Variants in RGS17 observed in about 807,000 individuals in gnomAD.
RGS17 encodes the protein regulator of G protein signaling 17, also known as regulator of G-protein signaling 17.
Under a neutral mutation model 25.5 loss-of-function variants are expected in RGS17, and 12 were observed. That is an observed-to-expected ratio of 0.47 (90% CI 0.30 to 0.76). The LOEUF (loss-of-function observed/expected upper bound fraction) is 0.76, where lower values mean the gene tolerates loss of function less well. RGS17 is among the 30% of genes least tolerant of loss of function. The probability of loss-of-function intolerance (pLI) is 0.07; values close to 1 mark genes in which losing one functional copy is unlikely to be tolerated. For synonymous variants in RGS17, 71 were observed against 76.9 expected (o/e 0.92, Z 0.40); for missense variants, 196 against 242.2 (o/e 0.81, Z 1.27).
intron 1 of RGS17, among the ~76,000 whole-genome samples, chr6:153,126,443 A>AGCCACAGTGATCTTTTT (rs71017583): frequency 0.32 from 48,791 of 151,814 alleles, 8,262 homozygotes; most frequent in East Asian, 0.61. Flanking sequence ...TTTCTGGTTT[A>AGCCACAGTGATCTTTTT]GCCACAGTGA....
chr6:153,022,561 C>G (rs951696481), intron 4 of RGS17, among the ~76,000 whole-genome samples: 2 of 152,156 alleles, frequency 1.3e-5, no homozygotes, highest in Non-Finnish European at 1.5e-5. Context: ...ACAACTATCA[C>G]TTTAAGATGT....
At chr6:153,119,249 T>A (rs1053704985) in intron 1 of RGS17, among the ~76,000 whole-genome samples, 6 of 152,216 alleles carry the variant, frequency 3.9e-5, no homozygotes, top group Non-Finnish European at 4.4e-5. Flanking sequence ...AGAGTTAGAA[T>A]GAGGCCTTGT....
At chr6:153,098,502 C>T (rs1325678699) in intron 1 of RGS17, among the ~76,000 whole-genome samples, 2 of 151,976 alleles carry the variant, frequency 1.3e-5, no homozygotes, top group African/African-American at 4.8e-5. Context: ...TGCTTGTCTC[C>T]TTCTTATATC....
chr6:153,114,225 C>A (rs1299876950), intron 1 of RGS17, among the ~76,000 whole-genome samples: 1 of 152,010 alleles, frequency 6.6e-6, no homozygotes, highest in Non-Finnish European at 1.5e-5. Context: ...ATCAAATAGA[C>A]ACAATACAAA....
Position 153,048,436 on chromosome 6 carries a change from A to ATCC in RGS17, c.-25-4394_-25-4393insGGA, listed in dbSNP as rs1166181793. Among the ~76,000 whole-genome samples the ATCC allele has an allele frequency of 2.0e-5, 3 of 152,326 alleles. No homozygotes were observed. In the East Asian group the frequency reaches 5.8e-4, roughly 29 times the overall value. ...TTATTCTATTCTCAAGACAGCAGCCAGGATGAGCCTTTCAAACCTAAGTCA... is the reference window on the plus strand; with the variant it reads ...TTATTCTATTCTCAAGACAGCAGCCATCCGGATGAGCCTTTCAAACCTAAGTCA... On this transcript the variant is annotated intron_variant, in intron 1 of 4. Coordinates refer to ENST00000206262, the MANE Select transcript of RGS17 (RefSeq NM_012419.5).
chr6:153,062,827 G>A (rs997781988), intron 1 of RGS17, among the ~76,000 whole-genome samples: 2 of 152,030 alleles, frequency 1.3e-5, no homozygotes, highest in South Asian at 2.1e-4. Flanking sequence ...GGCACTAATC[G>A]GAGTCATGAG....
intron 1 of RGS17, among the ~76,000 whole-genome samples, chr6:153,058,347 A>C (rs1453472840): frequency 6.6e-6 from 1 of 152,124 alleles, no homozygotes; most frequent in Non-Finnish European, 1.5e-5. Flanking sequence ...ATTGGCTGGG[A>C]TCTTCCTATC....
intron 4 of RGS17, chr6:153,023,477 C>G: frequency 2.8e-6 from 1 of 355,476 alleles, no homozygotes; most frequent in Non-Finnish European, 5.8e-6. Flanking sequence ...ACCACTCTTT[C>G]ACCAAATGCT....
chr6:153,040,610 T>C (rs1776309238), intron 2 of RGS17, among the ~76,000 whole-genome samples: 1 of 152,120 alleles, frequency 6.6e-6, no homozygotes, highest in Non-Finnish European at 1.5e-5. Flanking sequence ...TTTTTTTTTT[T>C]ACTCCCTAAA....
intron 1 of RGS17, among the ~76,000 whole-genome samples, chr6:153,050,830 T>C (rs993340064): frequency 1.3e-5 from 2 of 152,198 alleles, no homozygotes; most frequent in African/African-American, 4.8e-5. Context: ...CTCAAATTCA[T>C]ATGTTGAAAT....
At chr6:153,120,005 C>T (rs1777603177) in intron 1 of RGS17, among the ~76,000 whole-genome samples, 1 of 152,224 alleles carries the variant, frequency 6.6e-6, no homozygotes, top group East Asian at 1.9e-4. Context: ...CCAACCATGT[C>T]TCACACAAAT....
intron 1 of RGS17, among the ~76,000 whole-genome samples, chr6:153,079,796 T>TG (rs1776945147): frequency 6.6e-6 from 1 of 152,132 alleles, no homozygotes; most frequent in African/African-American, 2.4e-5. Context: ...AGGGCAGTGA[T>TG]GGTCTCATTA....
intron 1 of RGS17, among the ~76,000 whole-genome samples, chr6:153,107,850 C>G (rs1409310386): frequency 1.3e-5 from 2 of 152,136 alleles, no homozygotes; most frequent in Non-Finnish European, 1.5e-5. Context: ...TTCATTTTCC[C>G]TTAGCAGCAA....
At chr6:153,077,304 GGGAGATTGTTCTA>G (rs1776897841) in intron 1 of RGS17, among the ~76,000 whole-genome samples, 1 of 151,976 alleles carries the variant, frequency 6.6e-6, no homozygotes, top group Admixed American at 6.6e-5. Flanking sequence ...GAAAAATACA[GGGAGATTGTTCTA>G]GGTGAGTTTG....
At chr6:153,090,033 T>C (rs1777104324) in intron 1 of RGS17, among the ~76,000 whole-genome samples, 1 of 152,192 alleles carries the variant, frequency 6.6e-6, no homozygotes, top group South Asian at 2.1e-4. Context: ...AACTGAAGGA[T>C]TGAACAGTGT....
intron 1 of RGS17, among the ~76,000 whole-genome samples, chr6:153,097,857 G>A (rs1276694247): frequency 6.6e-6 from 1 of 152,082 alleles, no homozygotes; most frequent in Non-Finnish European, 1.5e-5. Context: ...AGTGGTACAG[G>A]GTGATCTAAT....
chr6:153,020,115 TA>T (rs1350332703), intron 4 of RGS17, among the ~76,000 whole-genome samples: 33 of 56,368 alleles, frequency 5.9e-4, no homozygotes, highest in Non-Finnish European at 9.6e-4. Context: ...AAAAAAAATA[TA>T]TATATATATA....
intron 2 of RGS17, among the ~76,000 whole-genome samples, chr6:153,035,619 C>A (rs1776230921): frequency 6.6e-6 from 1 of 152,096 alleles, no homozygotes; most frequent in Non-Finnish European, 1.5e-5. Context: ...CTCATTTTTG[C>A]ATTATTGATT....
chr6:153,074,817 G>T (rs1776854330), intron 1 of RGS17, among the ~76,000 whole-genome samples: 1 of 152,138 alleles, frequency 6.6e-6, no homozygotes, highest in African/African-American at 2.4e-5. Flanking sequence ...ATTATTTACT[G>T]ACTGACTGGT....
Sources: allele counts gnomAD v4.1 joint callset (sites outside exome capture counted in the v4.1 genomes callset), GRCh38; gene constraint gnomAD v4.1.1; transcripts MANE v1.5; gene names NCBI Gene and HGNC (gene_info 2026-07-23, HGNC 2026-07-21).